NEURL1B: variants seen among roughly 807,000 people sequenced by gnomAD.
The protein encoded by NEURL1B is neuralized E3 ubiquitin protein ligase 1B.
A neutral mutation model predicts 37.4 loss-of-function variants in NEURL1B; 13 were observed. That is an observed-to-expected ratio of 0.35 (90% CI 0.23 to 0.55). NEURL1B has a LOEUF of 0.55. Among genes scored for constraint, NEURL1B ranks in the 20% least tolerant of loss-of-function variants. The pLI is 0.89. For synonymous variants in NEURL1B, 432 were observed against 426.6 expected (o/e 1.01, Z -0.16); for missense variants, 790 against 879.2 (o/e 0.90, Z 1.28).
At chr5:172,668,982 T>C (rs1758068721) in intron 1 of NEURL1B, among the ~76,000 whole-genome samples, 1 of 152,216 alleles carries the variant, frequency 6.6e-6, no homozygotes, top group Admixed American at 6.5e-5. Context: ...AAGCAATGCC[T>C]TCATTTTCTG....
intron 2 of NEURL1B, among the ~76,000 whole-genome samples, chr5:172,679,575 G>A (rs1758305464): frequency 6.6e-6 from 1 of 152,212 alleles, no homozygotes; most frequent in Non-Finnish European, 1.5e-5. Flanking sequence ...GCTGTCTTGG[G>A]CCTGTCTCAA....
At chr5:172,666,694 G>C (rs1758021026) in intron 1 of NEURL1B, among the ~76,000 whole-genome samples, 1 of 152,216 alleles carries the variant, frequency 6.6e-6, no homozygotes, top group Non-Finnish European at 1.5e-5. Context: ...ACTAACTGTA[G>C]GTGGGAGGTG....
chr5:172,652,281 T>A (rs1355762646), intron 1 of NEURL1B, among the ~76,000 whole-genome samples: 1 of 152,232 alleles, frequency 6.6e-6, no homozygotes, highest in Non-Finnish European at 1.5e-5. Context: ...AGAGCTACCA[T>A]GCAGGCCACA....
At chr5:172,653,003 A>G (rs907312291) in intron 1 of NEURL1B, among the ~76,000 whole-genome samples, 3 of 151,982 alleles carry the variant, frequency 2.0e-5, no homozygotes, top group Admixed American at 2.0e-4. Flanking sequence ...CTTGGTGGTT[A>G]GCAGCACAAG....
At chr5:172,668,977 A>G (rs760150897) in intron 1 of NEURL1B, among the ~76,000 whole-genome samples, 9 of 152,324 alleles carry the variant, frequency 5.9e-5, no homozygotes, top group African/African-American at 1.2e-4. Flanking sequence ...CTCATAAGCA[A>G]TGCCTTCATT....
At position 172,683,459 on chromosome 5, in the gene NEURL1B, C is replaced by T; in HGVS notation, c.618C>T (p.Ser206=). The T allele has an allele frequency of 6.8e-7, 1 of 1,471,396 alleles. No homozygotes were observed. The highest frequency in any genetic ancestry group is 1.3e-5 in the South Asian group (1 of 77,204). The allele number at this position is 1,471,396 out of a possible 1,614,324, so 91.1% of individuals were successfully genotyped here. A position where few individuals can be genotyped will look rare whatever the true frequency, so the allele number is the denominator to read the frequency against. ...ACACGCTGACGCCCGCGCGCCTCAGCCAGGCCCGCTTCAGCGCCTGCCTGC... is the reference window on the plus strand; with the variant it reads ...ACACGCTGACGCCCGCGCGCCTCAGTCAGGCCCGCTTCAGCGCCTGCCTGC... ...FADTLTPARL[S]QARFSACLPP... Residue 206 remains serine (S), a synonymous_variant, in exon 3 of 5, where the codon AGC becomes AGT. Transcript: ENST00000369800. This position sits in a 1 kb window ranked among gnomAD's most constrained non-coding sequence, Gnocchi z 5.6.
chr5:172,645,366 C>T (rs1757541573), intron 1 of NEURL1B, among the ~76,000 whole-genome samples: 1 of 152,180 alleles, frequency 6.6e-6, no homozygotes, highest in Non-Finnish European at 1.5e-5. Flanking sequence ...GAGCCCTTTT[C>T]TCTTTTTGGC....
At chr5:172,672,546 C>CA (rs749185651) in intron 2 of NEURL1B, among the ~76,000 whole-genome samples, 1 of 147,384 alleles carries the variant, frequency 6.8e-6, no homozygotes, top group African/African-American at 2.5e-5. Context: ...ACTCTCCCCC[C>CA]CCCACTCTAT....
rs748791908 is a variant in NEURL1B at position 172,670,017 on chromosome 5, C to T, written c.264C>T (p.Ala88=). Residue 88 remains alanine, a synonymous_variant, in exon 2 of 5, where the codon GCC becomes GCT. Coordinates refer to ENST00000369800, the MANE Select transcript of NEURL1B (RefSeq NM_001142651.3). ...LYEQVRLRLV[A]VRPGWSGALR... ...AGCAGGTGCGGCTGCGCCTGGTGGC[C>T]GTGCGCCCTGGCTGGAGCGGCGCGC... The T allele has an allele frequency of 2.7e-6, 4 of 1,491,698 alleles. No individual in the cohort carries two copies. Among genetic ancestry groups the T allele is most frequent in the Non-Finnish European group, 3.5e-6 (4 of 1,127,242 alleles). 92.4% of individuals were successfully genotyped at this position (1,491,698 alleles called of 1,614,324 possible).
rs564152698 is a variant in NEURL1B, at chr5:172,647,468, G to C, written c.31+6031G>C. Among the ~76,000 whole-genome samples the C allele has an allele frequency of 3.3e-5, 5 of 152,218 alleles. No homozygotes were observed. The East Asian group carries it at 9.7e-4, about 30-fold the overall frequency. On this transcript the variant is annotated intron_variant, in intron 1 of 4. Coordinates refer to ENST00000369800, the MANE Select transcript of NEURL1B (RefSeq NM_001142651.3). This position sits in a 1 kb window ranked among gnomAD's most constrained non-coding sequence, Gnocchi z 4.2. ...AGACCTGCCCGGCCCAGGTGGCCAG[G>C]AAGTGGCAGAGTGAATTGGATCCCA...
At position 172,641,389 on chromosome 5, in the gene NEURL1B, G is replaced by A. The variant is rs1352498502; in HGVS notation, c.-18G>A. ...GCGCCCAGAGCGCGCCGCCGCCAAC[G>A]CCGCGCCCGACGCAGCGATGGGCAA... On this transcript the variant is annotated 5_prime_UTR_variant, in exon 1 of 5. Coordinates refer to ENST00000369800, the MANE Select transcript of NEURL1B (RefSeq NM_001142651.3). The surrounding 1 kb of genome is among the most constrained non-coding windows in gnomAD (Gnocchi z 6.4). 2 of 1,384,756 alleles carry A rather than the reference G, an allele frequency of 1.4e-6. No individual in the cohort carries two copies. Among genetic ancestry groups the A allele is most frequent in the South Asian group, 1.6e-5 (1 of 62,814 alleles). 85.8% of individuals were successfully genotyped at this position (1,384,756 alleles called of 1,614,324 possible). A position where few individuals can be genotyped will look rare whatever the true frequency, so the allele number is the denominator to read the frequency against.
chr5:172,679,749 C>T (rs1042515295), intron 2 of NEURL1B, among the ~76,000 whole-genome samples: 1 of 152,262 alleles, frequency 6.6e-6, no homozygotes, highest in Non-Finnish European at 1.5e-5. Context: ...TCAGTGCCTT[C>T]ACATGTGCTG....
At chr5:172,659,833 G>C (rs2113283665) in intron 1 of NEURL1B, among the ~76,000 whole-genome samples, 1 of 152,220 alleles carries the variant, frequency 6.6e-6, no homozygotes, top group Middle Eastern at 3.4e-3. Flanking sequence ...TGTTCCCTCT[G>C]CCTGAAACAC....
intron 1 of NEURL1B, among the ~76,000 whole-genome samples, chr5:172,651,994 T>C (rs1239403422): frequency 6.6e-6 from 1 of 152,218 alleles, no homozygotes; most frequent in Non-Finnish European, 1.5e-5. Context: ...GAGTGTCCAG[T>C]AAAGGTCCAC....
At chr5:172,680,821 TTAAA>T (rs1437065789) in intron 2 of NEURL1B, among the ~76,000 whole-genome samples, 4 of 152,260 alleles carry the variant, frequency 2.6e-5, no homozygotes, top group Non-Finnish European at 4.4e-5. Flanking sequence ...TCCCATATTA[TTAAA>T]TATTAATTGA....
At chr5:172,678,584 A>G (rs1394008949) in intron 2 of NEURL1B, among the ~76,000 whole-genome samples, 1 of 147,714 alleles carries the variant, frequency 6.8e-6, no homozygotes, top group African/African-American at 2.5e-5. Context: ...GGCCATTGGC[A>G]GTAAGTGACA....
In NEURL1B at chr5:172,657,527, G is replaced by A. The variant is rs569546426; in HGVS notation, c.32-12258G>A. On this transcript the variant is annotated intron_variant, in intron 1 of 4. Transcript: ENST00000369800. The surrounding 1 kb of genome is among the most constrained non-coding windows in gnomAD (Gnocchi z 4.0). ...TTTGTTGCATTACTAATATAACCTAGGAATAACCGGTGGGTATAGGGTCAG... is the reference window on the plus strand; with the variant it reads ...TTTGTTGCATTACTAATATAACCTAAGAATAACCGGTGGGTATAGGGTCAG... Among the ~76,000 whole-genome samples, 1 of 152,258 alleles carries A rather than the reference G, an allele frequency of 6.6e-6. No individual in the cohort carries two copies. Among genetic ancestry groups the A allele is most frequent in the East Asian group, 1.9e-4 (1 of 5,190 alleles).
chr5:172,652,608 C>A (rs1163410059), intron 1 of NEURL1B, among the ~76,000 whole-genome samples: 13 of 152,270 alleles, frequency 8.5e-5, no homozygotes. Context: ...CATCAGGGGG[C>A]AAGACTCCTA....
At chr5:172,642,865 C>A (rs143177159) in intron 1 of NEURL1B, among the ~76,000 whole-genome samples, 3 of 152,220 alleles carry the variant, frequency 2.0e-5, no homozygotes, top group Non-Finnish European at 2.9e-5. Flanking sequence ...AGAACCCACC[C>A]GCGGGTCAGG....
Sources: gnomAD v4.1 joint callset for allele counts (sites outside exome capture counted in the v4.1 genomes callset) on GRCh38, gnomAD v4.1.1 for gene constraint, Gnocchi (gnomAD v3.1) non-coding constraint, MANE v1.5 for transcripts, NCBI Gene and HGNC (gene_info 2026-07-23, HGNC 2026-07-21) for gene names.